Variants in LRIG2 observed in about 807,000 individuals in gnomAD.
The protein encoded by LRIG2 is leucine rich repeats and immunoglobulin like domains 2.
Under a neutral mutation model 107.8 loss-of-function variants are expected in LRIG2, and 93 were observed. The observed-to-expected ratio is 0.86, with a 90% CI of 0.73 to 1.03. The LOEUF (loss-of-function observed/expected upper bound fraction) is 1.03. LRIG2 is among the 50% of genes least tolerant of loss of function. The pLI, the probability that LRIG2 is intolerant of heterozygous loss-of-function variation, is 0.00. For synonymous variants in LRIG2, 471 were observed against 470.6 expected, an observed-to-expected ratio of 1.00 and a Z score of -0.01; for missense variants, 1,226 against 1,296.0, an observed-to-expected ratio of 0.95 and a Z score of 0.83.
intron 14 of LRIG2, among the ~76,000 whole-genome samples, 197 bp downstream of exon 14, chr1:113,112,957 G>A (rs11102588): frequency 0.013 from 2,022 of 152,178 alleles, 19 homozygotes; most frequent in East Asian, 0.034. Context: ...AAATACATAG[G>A]GCAAAATTAG....
intron 8 of LRIG2, among the ~76,000 whole-genome samples, 155 bp downstream of exon 8, chr1:113,096,520 T>C (rs1404103267): frequency 6.6e-6 from 1 of 152,226 alleles, no homozygotes. Flanking sequence ...GTCTTATTTG[T>C]CTCCATCCCC....
intron 1 of LRIG2, among the ~76,000 whole-genome samples, chr1:113,080,466 G>A (rs555276112): frequency 2.0e-5 from 3 of 151,820 alleles, no homozygotes; most frequent in Non-Finnish European, 4.4e-5. Flanking sequence ...TGCAAGCTCC[G>A]CCTTCCAGGT....
intron 1 of LRIG2, among the ~76,000 whole-genome samples, chr1:113,088,664 C>G (rs900373834): frequency 6.6e-6 from 1 of 152,136 alleles, no homozygotes; most frequent in Non-Finnish European, 1.5e-5. Flanking sequence ...ATTATGCTAG[C>G]CTGCTACACA....
intron 12 of LRIG2, among the ~76,000 whole-genome samples, chr1:113,109,738 C>T (rs1340182986): frequency 3.3e-5 from 5 of 152,076 alleles, no homozygotes; most frequent in African/African-American, 7.2e-5. Flanking sequence ...AGGCTGGTCT[C>T]GAACTCCTGA....
intron 11 of LRIG2, among the ~76,000 whole-genome samples, chr1:113,104,689 A>G (rs951820454): frequency 2.6e-5 from 4 of 152,058 alleles, no homozygotes; most frequent in African/African-American, 7.2e-5. Flanking sequence ...TAATTTTTGT[A>G]TCTTTAGAAA....
intron 1 of LRIG2, among the ~76,000 whole-genome samples, chr1:113,078,186 C>T (rs992683766): frequency 2.6e-5 from 4 of 151,790 alleles, no homozygotes; most frequent in South Asian, 2.1e-4. Flanking sequence ...AATAGTGCCA[C>T]AGTAAACATA....
At chr1:113,118,122 T>C (rs1447599022) in intron 16 of LRIG2, among the ~76,000 whole-genome samples, 1 of 152,082 alleles carries the variant, frequency 6.6e-6, no homozygotes, top group Admixed American at 6.5e-5. Flanking sequence ...TTTCACCATA[T>C]TGGCCAGGCT....
At chr1:113,087,798 A>G (rs1325527011) in intron 1 of LRIG2, among the ~76,000 whole-genome samples, 1 of 152,142 alleles carries the variant, frequency 6.6e-6, no homozygotes, top group Non-Finnish European at 1.5e-5. Flanking sequence ...AATTAGGCGT[A>G]AAAGCTAATT....
chr1:113,078,878 G>A (rs1023116254), intron 1 of LRIG2, among the ~76,000 whole-genome samples: 5 of 152,106 alleles, frequency 3.3e-5, no homozygotes, highest in African/African-American at 1.2e-4. Context: ...AACCTCAGGT[G>A]ATCTGCCCAC....
At chr1:113,109,827 G>A (rs1447760432) in intron 12 of LRIG2, among the ~76,000 whole-genome samples, 5 of 152,130 alleles carry the variant, frequency 3.3e-5, no homozygotes, top group Non-Finnish European at 7.3e-5. Context: ...CCATATACAT[G>A]TTTATCTATC....
chr1:113,116,312 T>C lies in LRIG2; in HGVS notation c.2556T>C (p.Ile852=). 2 of 1,613,746 alleles carry C rather than the reference T, an allele frequency of 1.2e-6. No homozygotes were observed. Among genetic ancestry groups the C allele is most frequent in the Non-Finnish European group, 1.7e-6 (2 of 1,179,750 alleles). The stretch of plus-strand genomic sequence containing the variant: ...AGGAGCTCAATCTGCCTGCAGACAT[T>C]CCCAGCTACTTGTCTTCCCAAGGAA... ...NTEELNLPAD[I]PSYLSSQGTL... The change falls in exon 16 of 18, where the codon ATT becomes ATC. Residue 852 remains isoleucine, a synonymous_variant. Transcript: ENST00000361127.
chr1:113,077,912 T>G (rs1653062265), intron 1 of LRIG2, among the ~76,000 whole-genome samples: 1 of 124,506 alleles, frequency 8.0e-6, no homozygotes, highest in East Asian at 2.5e-4. Flanking sequence ...CAGGCTCCGA[T>G]GTGTGATGTT....
At chr1:113,090,945 G>A (rs144308778) in intron 1 of LRIG2, among the ~76,000 whole-genome samples, 261 of 151,054 alleles carry the variant, frequency 1.7e-3, no homozygotes, top group Non-Finnish European at 3.0e-3. Context: ...TCTGCCTCCC[G>A]GGTTCAAGTA....
rs181066175 is a variant in LRIG2 at position 113,087,452 on chromosome 1, G to A, written c.240-3866G>A. Among the ~76,000 whole-genome samples, 262 of 152,250 alleles carry A rather than the reference G, an allele frequency of 1.7e-3. 1 individual carries two copies. Among genetic ancestry groups the A allele is most frequent in the African/African-American group, 6.0e-3 (249 of 41,552 alleles). On this transcript the variant is annotated intron_variant, in intron 1 of 17. Coordinates refer to ENST00000361127, the MANE Select transcript of LRIG2 (RefSeq NM_014813.3). The stretch of plus-strand genomic sequence containing the variant: ...CAACCTCCACCTCCTGGGTTCAAGC[G>A]ATTCTCCTGCCTCAGCCTCCCGAGT...
chr1:113,123,807 G>A (rs894880959), intron 17 of LRIG2, 68 bp from the exon 18 acceptor site: 2 of 1,217,936 alleles, frequency 1.6e-6, no homozygotes, highest in Non-Finnish European at 2.4e-6. Flanking sequence ...TTATTTCTTT[G>A]AGGATTTGGC....
At chr1:113,105,039 A>G (rs1488084346) in intron 11 of LRIG2, among the ~76,000 whole-genome samples, 1 of 151,970 alleles carries the variant, frequency 6.6e-6, no homozygotes, top group Non-Finnish European at 1.5e-5. Context: ...CCAGCTACTC[A>G]GGTGGCTGAG....
chr1:113,105,835 A>G (rs1323583489), intron 11 of LRIG2, among the ~76,000 whole-genome samples: 1 of 152,246 alleles, frequency 6.6e-6, no homozygotes, highest in Non-Finnish European at 1.5e-5. Flanking sequence ...TTGTTAAAGC[A>G]TTATAAAAGC....
rs201147097 is a variant in LRIG2, at chr1:113,094,433, A to G, written c.610A>G (p.Met204Val). 266 of 1,613,122 alleles carry G rather than the reference A, an allele frequency of 1.6e-4. No homozygotes were observed. Among genetic ancestry groups the G allele is most frequent in the Non-Finnish European group, 5.4e-5 (64 of 1,179,858 alleles). The stretch of plus-strand genomic sequence containing the variant: ...AGTGGTAAAGTTAAACCGTAACCGA[A>G]TGAGCATGATTCCACCTAAGATCTT... ...LLVVKLNRNR[M>V]SMIPPKIFKL... The change falls in exon 5 of 18, where the codon ATG (methionine) becomes GTG (valine). Residue 204 changes from methionine (M) to valine (V), a missense_variant. Met to Val is a conservative substitution (Grantham distance 21). Coordinates refer to ENST00000361127, the MANE Select transcript of LRIG2 (RefSeq NM_014813.3).
At position 113,110,397 on chromosome 1, in the gene LRIG2, A is replaced by G; in HGVS notation, c.1633A>G (p.Thr545Ala). The G allele has an allele frequency of 6.2e-7, 1 of 1,614,226 alleles. No homozygotes were observed. Among genetic ancestry groups the G allele is most frequent in the Non-Finnish European group, 8.5e-7 (1 of 1,180,040 alleles). The change falls in exon 13 of 18, where the codon ACT (threonine) becomes GCT (alanine). Residue 545 changes from threonine (T) to alanine (A), a missense_variant. Transcript: ENST00000361127. ...KDSEILYDVDTENFVRYWQQA... is the reference protein window; with the variant it reads ...KDSEILYDVDAENFVRYWQQA... ...CAGTGAAATCCTGTATGACGTGGAT[A>G]CTGAGAATTTTGTTCGTTATTGGCA...
Sources: gnomAD v4.1 joint callset for allele counts (sites outside exome capture counted in the v4.1 genomes callset) on GRCh38, gnomAD v4.1.1 for gene constraint, MANE v1.5 for transcripts, NCBI Gene and HGNC (gene_info 2026-07-23, HGNC 2026-07-21) for gene names.